The following SPRED2 variants were observed in gnomAD, a reference collection of about 807,000 sequenced individuals.
SPRED2 encodes sprouty-related, EVH1 domain-containing protein 2.
Under a neutral mutation model 43.0 loss-of-function variants are expected in SPRED2, and 47 were observed. The observed-to-expected ratio is 1.09, with a 90% CI of 0.87 to 1.40. The LOEUF is 1.40. Among genes scored for constraint, SPRED2 ranks in the 40% most tolerant of loss-of-function variants. SPRED2 has a pLI of 0.00. For missense variants in SPRED2, 561 were observed against 586.4 expected, an observed-to-expected ratio of 0.96 and a Z score of 0.45; for synonymous variants, 225 against 225.7, an observed-to-expected ratio of 1.00 and a Z score of 0.03.
At chr2:65,338,378 G>A (rs76045123) in intron 2 of SPRED2, among the ~76,000 whole-genome samples, 23,057 of 129,292 alleles carry the variant, frequency 0.18, 3,441 homozygotes, top group African/African-American at 0.37. Context: ...CTGCCATCTC[G>A]GCTCGCTGCA....
At chr2:65,415,373 A>G (rs895994394) in intron 1 of SPRED2, among the ~76,000 whole-genome samples, 1 of 152,158 alleles carries the variant, frequency 6.6e-6, no homozygotes, top group African/African-American at 2.4e-5. Flanking sequence ...TTTCATTTCT[A>G]GGTAAAAGCA....
At chr2:65,424,382 G>A (rs746490442) in intron 1 of SPRED2, among the ~76,000 whole-genome samples, 33 of 152,082 alleles carry the variant, frequency 2.2e-4, no homozygotes, top group Non-Finnish European at 3.7e-4. Flanking sequence ...TTCAATTAAT[G>A]AATAGTTACT....
chr2:65,396,161 A>G (rs1318277036), intron 1 of SPRED2, among the ~76,000 whole-genome samples: 2 of 152,184 alleles, frequency 1.3e-5, no homozygotes, highest in South Asian at 4.1e-4. Context: ...AGTCAAGGGC[A>G]TGGCAACGCA....
chr2:65,423,295 A>T (rs1199768957), intron 1 of SPRED2, among the ~76,000 whole-genome samples: 1 of 152,200 alleles, frequency 6.6e-6, no homozygotes, highest in Non-Finnish European at 1.5e-5. Flanking sequence ...CATATCAGGA[A>T]TGGCGTAGGG....
At chr2:65,381,776 T>C (rs964679565) in intron 1 of SPRED2, among the ~76,000 whole-genome samples, 1 of 152,190 alleles carries the variant, frequency 6.6e-6, no homozygotes, top group African/African-American at 2.4e-5. Context: ...AAATGGGAAC[T>C]GTGCAATTCA....
intron 4 of SPRED2, among the ~76,000 whole-genome samples, chr2:65,327,544 C>G (rs1673663368): frequency 6.6e-6 from 1 of 152,012 alleles, no homozygotes; most frequent in Admixed American, 6.5e-5. Flanking sequence ...GAGTTATTGT[C>G]ATTTAGAAGA....
At chr2:65,377,192 G>T (rs1675261137) in intron 1 of SPRED2, among the ~76,000 whole-genome samples, 1 of 152,226 alleles carries the variant, frequency 6.6e-6, no homozygotes, top group South Asian at 2.1e-4. Context: ...CATTAGAGTT[G>T]CCTTTACATA....
At chr2:65,310,498 C>CACACACAT (rs1198449994), downstream of SPRED2, among the ~76,000 whole-genome samples, 20 of 145,276 alleles carry the variant, frequency 1.4e-4, no homozygotes, top group Non-Finnish European at 2.1e-4. Flanking sequence ...CACACACACA[C>CACACACAT]ACACACATAT....
intron 2 of SPRED2, among the ~76,000 whole-genome samples, chr2:65,343,586 C>T (rs747706429): frequency 1.3e-5 from 2 of 152,182 alleles, no homozygotes; most frequent in South Asian, 2.1e-4. Flanking sequence ...CTGCACAATC[C>T]TGCACATTCT....
intron 2 of SPRED2, among the ~76,000 whole-genome samples, chr2:65,341,797 A>G (rs530838677): frequency 7.2e-5 from 11 of 152,332 alleles, no homozygotes; most frequent in Admixed American, 2.6e-4. Context: ...ATGACAAACC[A>G]TAGAAATACC....
chr2:65,374,619 G>T (rs1675197368), intron 1 of SPRED2, among the ~76,000 whole-genome samples: 1 of 152,192 alleles, frequency 6.6e-6, no homozygotes, highest in Non-Finnish European at 1.5e-5. Flanking sequence ...TTCTCAGGTG[G>T]CAGGTTAAAT....
chr2:65,314,229 A>G, intron 5 of SPRED2, 60 bp from the exon 6 acceptor site: 1 of 1,472,350 alleles, frequency 6.8e-7, no homozygotes, highest in Non-Finnish European at 9.1e-7. Flanking sequence ...AACAAACAAA[A>G]AAACACCCCA....
At chr2:65,422,127 CTCTCTCTCTT>C (rs1676443646) in intron 1 of SPRED2, among the ~76,000 whole-genome samples, 1 of 151,330 alleles carries the variant, frequency 6.6e-6, no homozygotes, top group Non-Finnish European at 1.5e-5. Context: ...CTCTCTCTCT[CTCTCTCTCTT>C]ACCCTCACTC....
At chr2:65,407,715 A>G (rs898258507) in intron 1 of SPRED2, among the ~76,000 whole-genome samples, 4 of 151,988 alleles carry the variant, frequency 2.6e-5, no homozygotes, top group Non-Finnish European at 4.4e-5. Flanking sequence ...CGCGGTATCC[A>G]CTCATGCCTC....
At chr2:65,366,755 C>T in intron 1 of SPRED2, 1 of 1,465,326 alleles carries the variant, frequency 6.8e-7, no homozygotes, top group Non-Finnish European at 9.0e-7. Context: ...GTCTCCTTGA[C>T]AAATATACTG....
chr2:65,408,363 A>G (rs1676072919), intron 1 of SPRED2, among the ~76,000 whole-genome samples: 1 of 152,204 alleles, frequency 6.6e-6, no homozygotes, highest in African/African-American at 2.4e-5. Context: ...ATGCAGTATA[A>G]GGTAGAGTCA....
Position 65,405,239 on chromosome 2 carries a change from T to C in SPRED2, c.26+26723A>G, listed in dbSNP as rs374731700. Among the ~76,000 whole-genome samples, 6 of 152,348 alleles carry C rather than the reference T, an allele frequency of 3.9e-5. No homozygotes were observed. In the East Asian group the frequency reaches 9.6e-4, roughly 24 times the overall value. On this transcript the variant is annotated intron_variant, in intron 1 of 5. Coordinates refer to ENST00000356388, the MANE Select transcript of SPRED2 (RefSeq NM_181784.3). ...GGACTTAATGACCTTCTTATGGTAC[T>C]TTCCACCTTGGTGGAGAAGAGCATG...
chr2:65,334,404 T>C, intron 3 of SPRED2: 4 of 644,434 alleles, frequency 6.2e-6, no homozygotes, highest in Non-Finnish European at 1.1e-5. Context: ...GATTACTCCT[T>C]ACTCTGAAAC....
intron 1 of SPRED2, among the ~76,000 whole-genome samples, chr2:65,408,411 C>G (rs998020815): frequency 7.2e-5 from 11 of 152,250 alleles, no homozygotes; most frequent in Middle Eastern, 6.8e-3. Flanking sequence ...GAGGCAGAAG[C>G]TGTTTTTATG....
Sources: allele counts gnomAD v4.1 joint callset (sites outside exome capture counted in the v4.1 genomes callset), GRCh38; gene constraint gnomAD v4.1.1; transcripts MANE v1.5; gene names NCBI Gene and HGNC (gene_info 2026-07-23, HGNC 2026-07-21).